KLHL22: variants seen among roughly 807,000 people sequenced by gnomAD.
KLHL22 encodes the protein kelch-like protein 22.
KLHL22 carries 18 observed loss-of-function variants against 60.7 expected under a neutral mutation model. The ratio of observed to expected loss-of-function variants is 0.30; its 90% CI spans 0.20 to 0.44. KLHL22 has a LOEUF of 0.44. Ranked by LOEUF, KLHL22 falls within the 20% of genes least tolerant of loss-of-function variation. The pLI, the probability that KLHL22 is intolerant of heterozygous loss-of-function variation, is 1.00. For synonymous variants in KLHL22, 355 were observed against 354.5 expected, an observed-to-expected ratio of 1.00 and a Z score of -0.01; for missense variants, 596 against 852.3, an observed-to-expected ratio of 0.70 and a Z score of 3.74.
chr22:20,473,042 G>GTTATATA (rs2053353391), intron 2 of KLHL22, among the ~76,000 whole-genome samples: 2 of 152,196 alleles, frequency 1.3e-5, no homozygotes, highest in Non-Finnish European at 2.9e-5. Flanking sequence ...TACCTCTAGG[G>GTTATATA]TAGGTACAGT....
intron 4 of KLHL22, among the ~76,000 whole-genome samples, chr22:20,462,731 G>C (rs1404643517): frequency 6.6e-6 from 1 of 151,972 alleles, no homozygotes; most frequent in East Asian, 1.9e-4. Flanking sequence ...CCATGTAGTT[G>C]GTGTTCAGTA....
intron 5 of KLHL22, among the ~76,000 whole-genome samples, chr22:20,447,469 T>C (rs1399293854): frequency 2.0e-5 from 3 of 151,586 alleles, no homozygotes; most frequent in African/African-American, 7.3e-5. Context: ...GACGGAGCAG[T>C]GGGGAGGAAG....
intron 4 of KLHL22, among the ~76,000 whole-genome samples, chr22:20,458,830 T>G (rs1450025064): frequency 6.6e-6 from 1 of 152,016 alleles, no homozygotes; most frequent in East Asian, 1.9e-4. Context: ...TTTCCTGACC[T>G]CCCCTCCACT....
At chr22:20,451,614 C>G (rs2052980342) in intron 5 of KLHL22, 23 of 1,601,330 alleles carry the variant, frequency 1.4e-5, no homozygotes, top group Non-Finnish European at 1.9e-5. Flanking sequence ...GCACTGATTC[C>G]CGGACAACTG....
chr22:20,476,115 T>C (rs531297432), intron 2 of KLHL22, among the ~76,000 whole-genome samples: 93 of 152,364 alleles, frequency 6.1e-4, no homozygotes, highest in African/African-American at 2.2e-3. Flanking sequence ...AGCCATCCTC[T>C]GGGTCCATTT....
chr22:20,457,859 G>C lies in KLHL22; in HGVS notation c.1254C>G (p.Arg418=). ...CCCAGGAGTTGGTGGCAGGGTCGTA[G>C]CGCTCCACAGCATTCAGGTCATTGT... ...DYHNDLNAVE[R]YDPATNSWAY... The change falls in exon 5 of 7, where the codon CGC becomes CGG. Residue 418 remains arginine, a synonymous_variant. Coordinates refer to ENST00000328879, the MANE Select transcript of KLHL22 (RefSeq NM_032775.4). The C allele has an allele frequency of 1.9e-6, 3 of 1,610,710 alleles. No homozygotes were observed. The highest frequency in any genetic ancestry group is 2.5e-6 in the Non-Finnish European group (3 of 1,178,500).
Position 20,471,473 on chromosome 22 carries a change from C to T in KLHL22, c.270G>A (p.Glu90=). ...TGTAGGACACACCGTGGATCAGGAC[C>T]TCTTCCTGTTCCATCTCCTTCAATC... is the stretch of plus-strand genomic sequence containing the variant. ...AGGLKEMEQE[E]VLIHGVSYNA... is the part of the protein sequence containing the mutation. Residue 90 remains glutamate, a synonymous_variant, in exon 3 of 7, where the codon GAG becomes GAA. Coordinates refer to ENST00000328879, the MANE Select transcript of KLHL22 (RefSeq NM_032775.4). 6.2e-7 allele frequency: 1 copy of T among 1,614,120 alleles called. No homozygotes were observed. Among genetic ancestry groups the T allele is most frequent in the Non-Finnish European group, 8.5e-7 (1 of 1,179,954 alleles).
At chr22:20,483,269 T>C (rs1468932425) in intron 2 of KLHL22, 7 of 700,364 alleles carry the variant, frequency 1.0e-5, no homozygotes, top group African/African-American at 3.5e-5. Context: ...GTGACCACTG[T>C]GGTGCTCTCC....
intron 2 of KLHL22, among the ~76,000 whole-genome samples, chr22:20,472,318 C>T (rs2053339757): frequency 6.6e-6 from 1 of 152,058 alleles, no homozygotes; most frequent in Non-Finnish European, 1.5e-5. Context: ...TAGCTGGGCG[C>T]GGTGGCTCAC....
intron 4 of KLHL22, among the ~76,000 whole-genome samples, chr22:20,459,100 A>G (rs1320126679): frequency 6.6e-6 from 1 of 152,238 alleles, no homozygotes; most frequent in Non-Finnish European, 1.5e-5. Flanking sequence ...CAGTGAGCTC[A>G]AAGCCAGTAT....
At chr22:20,493,822 G>A (rs1440439102) in intron 1 of KLHL22, among the ~76,000 whole-genome samples, 1 of 150,818 alleles carries the variant, frequency 6.6e-6, no homozygotes, top group Non-Finnish European at 1.5e-5. Flanking sequence ...CAGCACTTTG[G>A]GAGGCCAACG....
intron 1 of KLHL22, chr22:20,491,084 G>A (rs1204632931): frequency 1.3e-5 from 2 of 152,134 alleles, no homozygotes; most frequent in African/African-American, 4.8e-5. Flanking sequence ...CAGAACTCAG[G>A]AAAATACTCA....
intron 1 of KLHL22, among the ~76,000 whole-genome samples, chr22:20,494,524 G>A (rs1366977270): frequency 1.3e-5 from 2 of 152,154 alleles, no homozygotes; most frequent in Non-Finnish European, 2.9e-5. Context: ...GGGATTACAA[G>A]CACGTGTCAC....
intron 6 of KLHL22, 68 bp from the exon 7 acceptor site, chr22:20,442,506 C>G: frequency 6.7e-7 from 1 of 1,498,430 alleles, no homozygotes; most frequent in Non-Finnish European, 8.9e-7. Context: ...CCCCACAAGC[C>G]CACTGACCAA....
Position 20,465,499 on chromosome 22 carries a change from C to G in KLHL22, c.471G>C (p.Arg157=). The G allele has an allele frequency of 6.2e-7, 1 of 1,611,984 alleles. No homozygotes were observed. Among genetic ancestry groups the G allele is most frequent in the Non-Finnish European group, 8.5e-7 (1 of 1,178,066 alleles). The change falls in exon 4 of 7, where the codon CGG becomes CGC. Residue 157 remains arginine (R), a synonymous_variant. Transcript: ENST00000328879. The surrounding 1 kb of genome is among the most constrained non-coding windows in gnomAD (Gnocchi z 4.9). ...VDEENILDVY[R]LAELFDLSRL... ...GGCTCAAGTCAAACAGCTCTGCCAG[C>G]CGGTAGACATCGAGAATGTTCTCTT...
intron 4 of KLHL22, among the ~76,000 whole-genome samples, chr22:20,459,580 C>T (rs558661846): frequency 6.6e-6 from 1 of 152,344 alleles, no homozygotes; most frequent in South Asian, 2.1e-4. Context: ...TGAAAAGTGT[C>T]CTTGTTAACT....
intron 3 of KLHL22, among the ~76,000 whole-genome samples, chr22:20,467,006 A>T (rs1005641969): frequency 3.9e-5 from 6 of 152,378 alleles, no homozygotes; most frequent in African/African-American, 1.4e-4. Context: ...TAGGAGACAA[A>T]GGGAAGGGCC....
intron 2 of KLHL22, chr22:20,483,018 C>CCTA: frequency 1.5e-6 from 1 of 683,524 alleles, no homozygotes; most frequent in Non-Finnish European, 2.7e-6. Flanking sequence ...ACCAGGGCGT[C>CCTA]CTACTCCTAG....
intron 2 of KLHL22, among the ~76,000 whole-genome samples, chr22:20,479,886 A>G (rs567040604): frequency 1.3e-5 from 2 of 152,348 alleles, no homozygotes; most frequent in East Asian, 3.9e-4. Flanking sequence ...GCAGAGTCTC[A>G]GACATTTGCA....
Sources: gnomAD v4.1 joint callset for allele counts (sites outside exome capture counted in the v4.1 genomes callset) on GRCh38, gnomAD v4.1.1 for gene constraint, Gnocchi (gnomAD v3.1) non-coding constraint, MANE v1.5 for transcripts, NCBI Gene and HGNC (gene_info 2026-07-23, HGNC 2026-07-21) for gene names.